CNTN5: variants seen among roughly 807,000 people sequenced by gnomAD.
CNTN5 encodes the protein contactin 5.
Under a neutral mutation model 129.1 loss-of-function variants are expected in CNTN5, and 77 were observed. The ratio of observed to expected loss-of-function variants is 0.60; its 90% confidence interval spans 0.50 to 0.72. The LOEUF is 0.72. CNTN5 is among the 30% of genes least tolerant of loss of function. CNTN5 has a pLI of 0.00. For synonymous variants in CNTN5, 509 were observed against 465.6 expected (o/e 1.09, Z -1.20); for missense variants, 1,478 against 1,328.8 (o/e 1.11, Z -1.75).
intron 2 of CNTN5, among the ~76,000 whole-genome samples, chr11:99,435,295 T>C (rs1278717948): frequency 2.6e-5 from 4 of 152,194 alleles, no homozygotes; most frequent in Admixed American, 2.6e-4. Flanking sequence ...CATATCTTAG[T>C]CAATACTTTT....
chr11:100,154,450 C>T (rs1323677978), intron 13 of CNTN5, among the ~76,000 whole-genome samples: 1 of 152,082 alleles, frequency 6.6e-6, no homozygotes, highest in Non-Finnish European at 1.5e-5. Context: ...GGTTCCAAGT[C>T]TTTGCTGTTG....
chr11:100,072,990 C>CAAAAAAAAAAAA (rs61042118), intron 12 of CNTN5, among the ~76,000 whole-genome samples: 2,661 of 78,926 alleles, frequency 0.034, 259 homozygotes, highest in Middle Eastern at 0.058. Flanking sequence ...TCCCAGGAGG[C>CAAAAAAAAAAAA]AAAAAAAAAA....
intron 1 of CNTN5, among the ~76,000 whole-genome samples, chr11:99,093,211 AG>A (rs902059972): frequency 6.6e-6 from 1 of 152,060 alleles, no homozygotes; most frequent in African/African-American, 2.4e-5. Context: ...AGTGAAAAGC[AG>A]GGTTAGTTCT....
intron 19 of CNTN5, among the ~76,000 whole-genome samples, chr11:100,298,899 T>G (rs17094782): frequency 0.031 from 4,738 of 151,530 alleles, 110 homozygotes; most frequent in Non-Finnish European, 0.052. Flanking sequence ...TGGAGCAAAT[T>G]TGTTTCACTT....
At chr11:99,243,736 A>ATT (rs35250111) in intron 1 of CNTN5, among the ~76,000 whole-genome samples, 10,984 of 117,560 alleles carry the variant, frequency 0.093, 581 homozygotes, top group African/African-American at 0.13. Flanking sequence ...CCTATTGCTT[A>ATT]TTTTTTTTTT....
intron 1 of CNTN5, among the ~76,000 whole-genome samples, chr11:99,033,488 G>A (rs11218133): frequency 7.2e-5 from 11 of 151,944 alleles, no homozygotes; most frequent in South Asian, 2.1e-4. Context: ...CTTCACATCC[G>A]TTGTAAGTTG....
chr11:99,031,750 C>T (rs1161569160), intron 1 of CNTN5, among the ~76,000 whole-genome samples: 1 of 151,240 alleles, frequency 6.6e-6, no homozygotes, highest in Non-Finnish European at 1.5e-5. Context: ...AAATTCATGG[C>T]TTAGTTTTTC....
intron 4 of CNTN5, among the ~76,000 whole-genome samples, chr11:99,835,371 G>T (rs1208867136): frequency 6.6e-6 from 1 of 152,160 alleles, no homozygotes; most frequent in Non-Finnish European, 1.5e-5. Context: ...GTGGGCCAGG[G>T]TTTGTGTGGT....
chr11:99,453,275 A>G (rs1047385610), intron 2 of CNTN5, among the ~76,000 whole-genome samples: 11 of 152,206 alleles, frequency 7.2e-5, no homozygotes, highest in African/African-American at 2.7e-4. Context: ...AATTTTTACT[A>G]ATCGTATAAC....
chr11:100,107,945 G>C (rs926174350), intron 13 of CNTN5, among the ~76,000 whole-genome samples: 1 of 150,852 alleles, frequency 6.6e-6, no homozygotes, highest in Non-Finnish European at 1.5e-5. Flanking sequence ...GAAACCTAGA[G>C]AGCTGAGTCA....
At chr11:99,762,750 A>G (rs972788222) in intron 3 of CNTN5, among the ~76,000 whole-genome samples, 8 of 152,156 alleles carry the variant, frequency 5.3e-5, no homozygotes, top group African/African-American at 1.9e-4. Context: ...ATTCAATGAG[A>G]CAGGAAGGAA....
intron 1 of CNTN5, among the ~76,000 whole-genome samples, chr11:99,104,980 TA>T (rs1866927425): frequency 6.6e-6 from 1 of 152,188 alleles, no homozygotes; most frequent in African/African-American, 2.4e-5. Context: ...TGCCCTCTGT[TA>T]ATCAATGCAC....
chr11:99,307,549 T>C (rs774396801), intron 1 of CNTN5, among the ~76,000 whole-genome samples: 1 of 152,198 alleles, frequency 6.6e-6, no homozygotes, highest in Non-Finnish European at 1.5e-5. Context: ...TTCATCTGCC[T>C]ATACTGAAAT....
At chr11:99,538,588 C>T (rs75825832) in intron 2 of CNTN5, among the ~76,000 whole-genome samples, 2,080 of 152,124 alleles carry the variant, frequency 0.014, 54 homozygotes, top group African/African-American at 0.047. Context: ...TTTGTTGCAC[C>T]ATTAATATCA....
Position 99,418,921 on chromosome 11 carries a change from A to G in CNTN5, c.-71+93437A>G, listed in dbSNP as rs1942773829. ...GTGGAAAAGTTCAAGCTTTGGAGAC[A>G]GATGAATTGTATGGGATAACATATG... On this transcript the variant is annotated intron_variant, in intron 2 of 24. Coordinates refer to ENST00000524871, the MANE Select transcript of CNTN5 (RefSeq NM_014361.4). Among the ~76,000 whole-genome samples, 3 of 152,214 alleles carry G rather than the reference A, an allele frequency of 2.0e-5. No individual in the cohort carries two copies. The South Asian group carries it at 6.2e-4, about 31-fold the overall frequency.
chr11:100,306,959 A>G (rs764502203), intron 20 of CNTN5, among the ~76,000 whole-genome samples: 2 of 151,790 alleles, frequency 1.3e-5, no homozygotes, highest in Non-Finnish European at 3.0e-5. Context: ...AGATGACACA[A>G]TTATAGCAAG....
At chr11:100,338,791 G>T (rs1952093350) in intron 21 of CNTN5, among the ~76,000 whole-genome samples, 1 of 152,202 alleles carries the variant, frequency 6.6e-6, no homozygotes, top group Non-Finnish European at 1.5e-5. Context: ...CCCAGGTGGT[G>T]CTAGGTGCCT....
intron 1 of CNTN5, among the ~76,000 whole-genome samples, chr11:99,312,977 G>A (rs564333510): frequency 2.6e-5 from 4 of 151,884 alleles, no homozygotes; most frequent in African/African-American, 4.8e-5. Context: ...TTAATAGAAC[G>A]AGCTAATAAG....
intron 2 of CNTN5, among the ~76,000 whole-genome samples, chr11:99,549,028 C>A (rs1386338615): frequency 6.6e-6 from 1 of 151,960 alleles, no homozygotes; most frequent in East Asian, 1.9e-4. Context: ...CCAGCTATTG[C>A]CTTTCTGGGC....
Sources: allele counts gnomAD v4.1 joint callset (sites outside exome capture counted in the v4.1 genomes callset), GRCh38; gene constraint gnomAD v4.1.1; transcripts MANE v1.5; gene names NCBI Gene and HGNC (gene_info 2026-07-23, HGNC 2026-07-21).